Variants in CDH22 observed in about 807,000 individuals in gnomAD.
CDH22 encodes the protein cadherin-22.
Under a neutral mutation model 58.4 loss-of-function variants are expected in CDH22, and 30 were observed. That is an observed-to-expected ratio of 0.51 (90% CI 0.38 to 0.70). The LOEUF (loss-of-function observed/expected upper bound fraction) is 0.70, where lower values mean the gene tolerates loss of function less well. CDH22 is among the 30% of genes least tolerant of loss of function. The probability of loss-of-function intolerance (pLI) is 0.00; values close to 1 mark genes in which losing one functional copy is unlikely to be tolerated. For missense variants in CDH22, 1,014 were observed against 1,233.9 expected (o/e 0.82, Z 2.67); for synonymous variants, 513 against 558.2 (o/e 0.92, Z 1.14).
chr20:46,279,908 G>A (rs923688198), intron 1 of CDH22, among the ~76,000 whole-genome samples: 1 of 152,186 alleles, frequency 6.6e-6, no homozygotes, highest in African/African-American at 2.4e-5. Flanking sequence ...AGTTGACGGA[G>A]CATTTTTTTT....
intron 1 of CDH22, among the ~76,000 whole-genome samples, chr20:46,303,296 C>G (rs927000748): frequency 6.6e-6 from 1 of 152,150 alleles, no homozygotes; most frequent in African/African-American, 2.4e-5. Context: ...TGCTCTTATT[C>G]CTCCCTACCC....
chr20:46,299,944 C>A (rs2086643723), intron 1 of CDH22, among the ~76,000 whole-genome samples: 2 of 152,152 alleles, frequency 1.3e-5, no homozygotes, highest in South Asian at 4.1e-4. Flanking sequence ...TCTGACCTCC[C>A]AGCCCCCTCC....
chr20:46,190,367 A>G (rs1368838156), intron 8 of CDH22, among the ~76,000 whole-genome samples: 2 of 151,938 alleles, frequency 1.3e-5, no homozygotes, highest in Non-Finnish European at 2.9e-5. Flanking sequence ...AACCCTCCTG[A>G]CTCCAAGTTC....
chr20:46,248,282 T>C (rs1171837133), intron 2 of CDH22, among the ~76,000 whole-genome samples: 1 of 152,176 alleles, frequency 6.6e-6, no homozygotes, highest in Non-Finnish European at 1.5e-5. Flanking sequence ...GCAGCCGGTT[T>C]TCTCATCTTT....
intron 7 of CDH22, among the ~76,000 whole-genome samples, chr20:46,209,601 A>G (rs540405720): frequency 8.5e-5 from 13 of 152,274 alleles, no homozygotes; most frequent in African/African-American, 3.1e-4. Flanking sequence ...TACTCCAGGC[A>G]AGAGAAAACG....
chr20:46,285,018 C>T (rs950625520), intron 1 of CDH22, among the ~76,000 whole-genome samples: 11 of 152,184 alleles, frequency 7.2e-5, no homozygotes, highest in Non-Finnish European at 1.5e-4. Context: ...ACCACTGTAC[C>T]CAGTGCTGAT....
intron 1 of CDH22, among the ~76,000 whole-genome samples, chr20:46,296,533 G>A (rs1478204088): frequency 1.3e-5 from 2 of 152,206 alleles, no homozygotes; most frequent in Admixed American, 6.5e-5. Context: ...ACAATGGTTC[G>A]CAAAGGGCTG....
rs1434872398 is a variant in CDH22 at position 46,210,230 on chromosome 20, C to A, written c.1286+77G>T. 2.3e-6 allele frequency: 3 copies of A among 1,322,134 alleles called. No individual in the cohort carries two copies. Among genetic ancestry groups the A allele is most frequent in the Non-Finnish European group, 2.9e-6 (3 of 1,031,956 alleles). The allele number at this position is 1,322,134 out of a possible 1,614,324, so 81.9% of individuals were successfully genotyped here. A position where few individuals can be genotyped will look rare whatever the true frequency, so the allele number is the denominator to read the frequency against. On this transcript the variant is annotated intron_variant, in intron 7 of 11. Transcript: ENST00000537909. This position sits in a 1 kb window ranked among gnomAD's most constrained non-coding sequence, Gnocchi z 4.5. The stretch of plus-strand genomic sequence containing the variant: ...GCCCTGCCCGCCCCAGCCCTCCTCC[C>A]CTCTGCCCGCAGTCTGTCCGCGGGG...
chr20:46,229,572 A>G (rs1437638170), intron 3 of CDH22, among the ~76,000 whole-genome samples: 1 of 152,198 alleles, frequency 6.6e-6, no homozygotes, highest in Non-Finnish European at 1.5e-5. Flanking sequence ...TGAGGGTGGT[A>G]GTATTACAGA....
At chr20:46,294,412 C>A (rs946117845) in intron 1 of CDH22, among the ~76,000 whole-genome samples, 1 of 152,186 alleles carries the variant, frequency 6.6e-6, no homozygotes, top group Non-Finnish European at 1.5e-5. Flanking sequence ...GGGCCTCAGA[C>A]AGGAGATGGG....
chr20:46,251,338 G>T lies in CDH22; in HGVS notation c.-44C>A. On this transcript the variant is annotated 5_prime_UTR_variant, in exon 2 of 12. Coordinates refer to ENST00000537909, the MANE Select transcript of CDH22 (RefSeq NM_021248.3). The surrounding 1 kb of genome is among the most constrained non-coding windows in gnomAD (Gnocchi z 6.7). The stretch of plus-strand genomic sequence containing the variant: ...TGGGGCCCAGGAGCATGGACGAGAG[G>T]CACCAGGGCGCCGCTGCTTGGTCGC... 1 of 1,409,796 alleles carries T rather than the reference G, an allele frequency of 7.1e-7. No homozygotes were observed. Among genetic ancestry groups the T allele is most frequent in the East Asian group, 3.1e-5 (1 of 32,414 alleles). The allele number at this position is 1,409,796 out of a possible 1,614,324, so 87.3% of individuals were successfully genotyped here.
chr20:46,299,620 AAAT>A (rs3083842), intron 1 of CDH22, among the ~76,000 whole-genome samples: 78,695 of 151,820 alleles, frequency 0.52, 20,918 homozygotes, highest in Middle Eastern at 0.66. Context: ...AAAAAAATTA[AAAT>A]AATAATAATA....
At chr20:46,198,845 C>A (rs957068366) in intron 8 of CDH22, among the ~76,000 whole-genome samples, 3 of 152,086 alleles carry the variant, frequency 2.0e-5, no homozygotes, top group Non-Finnish European at 4.4e-5. Context: ...TGACTCCCTC[C>A]CCTTTTGAGG....
chr20:46,178,077 A>T lies in CDH22; in HGVS notation c.1784T>A (p.Leu595His). Reference protein sequence around the residue: ...GPPTLSSTGTLTIRICGCDSS... With the variant: ...GPPTLSSTGTHTIRICGCDSS... ...GTCGCAGCCACAGATGCGGATGGTG[A>T]GCGTGCCTGTGCTGCTCAGTGTGGG... Residue 595 changes from leucine to histidine, a missense_variant, in exon 11 of 12, where the codon CTC becomes CAC. This residue lies in a region of CDH22 where 806 missense variants were observed against 1,038.7 expected (regional missense o/e 0.78). Transcript: ENST00000537909. The T allele has an allele frequency of 6.2e-7, 1 of 1,614,038 alleles. No individual in the cohort carries two copies. The highest frequency in any genetic ancestry group is 8.5e-7 in the Non-Finnish European group (1 of 1,179,972).
chr20:46,246,759 G>C (rs567757611), intron 2 of CDH22, among the ~76,000 whole-genome samples: 3 of 152,164 alleles, frequency 2.0e-5, no homozygotes, highest in African/African-American at 7.2e-5. Context: ...TTCACTCTGC[G>C]GATGGTGCTG....
intron 4 of CDH22, among the ~76,000 whole-genome samples, chr20:46,223,705 C>CAT (rs2086147231): frequency 1.8e-5 from 1 of 56,964 alleles, no homozygotes; most frequent in African/African-American, 5.8e-5. Context: ...TTCTTTCTTT[C>CAT]TTTCTTTCTT....
intron 1 of CDH22, among the ~76,000 whole-genome samples, chr20:46,269,777 C>T (rs573044049): frequency 2.0e-4 from 30 of 152,324 alleles, no homozygotes; most frequent in African/African-American, 6.5e-4. Flanking sequence ...GGCTGGGGGC[C>T]TGAGGTCAGC....
At chr20:46,246,112 C>T (rs1482452424) in intron 2 of CDH22, among the ~76,000 whole-genome samples, 9 of 152,314 alleles carry the variant, frequency 5.9e-5, no homozygotes, top group Admixed American at 4.6e-4. Context: ...ATTACTTCCT[C>T]CTAATTAAAT....
At chr20:46,273,120 C>A (rs929976123) in intron 1 of CDH22, among the ~76,000 whole-genome samples, 37 of 152,164 alleles carry the variant, frequency 2.4e-4, no homozygotes, top group African/African-American at 2.4e-5. Context: ...TGGTGAGAAT[C>A]TCTCACCTGA....
Sources: gnomAD v4.1 joint callset for allele counts (sites outside exome capture counted in the v4.1 genomes callset) on GRCh38, gnomAD v4.1.1 for gene constraint, gnomAD v4.1.1 regional missense constraint, Gnocchi (gnomAD v3.1) non-coding constraint, MANE v1.5 for transcripts, NCBI Gene and HGNC (gene_info 2026-07-23, HGNC 2026-07-21) for gene names.